Variants in CCDC181 observed in about 807,000 individuals in gnomAD.
CCDC181 encodes coiled-coil domain containing 181.
CCDC181 carries 35 observed loss-of-function variants against 58.7 expected under a neutral mutation model. The ratio of observed to expected loss-of-function variants is 0.60; its 90% CI spans 0.46 to 0.79. The LOEUF (loss-of-function observed/expected upper bound fraction) is 0.79. Ranked by LOEUF, CCDC181 falls within the 30% of genes least tolerant of loss-of-function variation. CCDC181 has a pLI of 0.00. For missense variants in CCDC181, 517 were observed against 583.9 expected, an observed-to-expected ratio of 0.89 and a Z score of 1.18; for synonymous variants, 183 against 197.5, an observed-to-expected ratio of 0.93 and a Z score of 0.62.
chr1:169,407,835 ACTCC>A (rs1655749743), intron 4 of CCDC181, among the ~76,000 whole-genome samples: 1 of 151,574 alleles, frequency 6.6e-6, no homozygotes, highest in African/African-American at 2.4e-5. Flanking sequence ...GGGTCAGGGA[ACTCC>A]CTCCCCTAGC....
At chr1:169,449,768 T>C (rs1456230093) in intron 2 of CCDC181, among the ~76,000 whole-genome samples, 1 of 152,218 alleles carries the variant, frequency 6.6e-6, no homozygotes, top group Non-Finnish European at 1.5e-5. Context: ...GCTTTTATTC[T>C]AGCTGCGATG....
At chr1:169,402,641 G>A (rs1655415142) in intron 4 of CCDC181, among the ~76,000 whole-genome samples, 1 of 152,068 alleles carries the variant, frequency 6.6e-6, no homozygotes, top group South Asian at 2.1e-4. Flanking sequence ...TGCCCTAAAA[G>A]AGCTCCTGAA....
chr1:169,400,249 T>C (rs1276364055), intron 4 of CCDC181, among the ~76,000 whole-genome samples: 2 of 152,194 alleles, frequency 1.3e-5, no homozygotes, highest in Non-Finnish European at 2.9e-5. Flanking sequence ...GTAAGGACCA[T>C]GCTCTAGGAC....
chr1:169,423,256 C>T (rs1420506960), intron 2 of CCDC181, among the ~76,000 whole-genome samples: 1 of 151,750 alleles, frequency 6.6e-6, no homozygotes, highest in East Asian at 1.9e-4. Context: ...ATAAACCTGG[C>T]CCATTTAAAT....
intron 2 of CCDC181, among the ~76,000 whole-genome samples, chr1:169,458,526 T>C (rs962742100): frequency 1.3e-5 from 2 of 152,172 alleles, no homozygotes; most frequent in African/African-American, 4.8e-5. Flanking sequence ...CCCATGGAGT[T>C]GGGGTAGGCA....
intron 5 of CCDC181, chr1:169,395,787 A>C (rs1654985274): frequency 6.6e-6 from 1 of 152,220 alleles, no homozygotes; most frequent in African/African-American, 2.4e-5. Flanking sequence ...AAATAACTGC[A>C]TATACATATA....
intron 3 of CCDC181, among the ~76,000 whole-genome samples, chr1:169,420,917 T>C (rs1402736236): frequency 2.6e-5 from 4 of 152,224 alleles, no homozygotes; most frequent in Non-Finnish European, 5.9e-5. Context: ...ATAAAAGAAT[T>C]GTAAGCATAG....
intron 4 of CCDC181, among the ~76,000 whole-genome samples, chr1:169,404,038 A>G (rs181469283): frequency 6.0e-4 from 91 of 152,374 alleles, no homozygotes; most frequent in Non-Finnish European, 1.2e-3. Context: ...AAACACCTCT[A>G]TGCAAATAAA....
At chr1:169,442,706 G>A (rs1557879457) in intron 2 of CCDC181, 2 of 152,060 alleles carry the variant, frequency 1.3e-5, no homozygotes, top group Non-Finnish European at 2.9e-5. Flanking sequence ...TTAAAAAACT[G>A]ATCATGTGAG....
At chr1:169,434,132 C>A (rs1487381865) in intron 2 of CCDC181, among the ~76,000 whole-genome samples, 1 of 151,896 alleles carries the variant, frequency 6.6e-6, no homozygotes, top group Non-Finnish European at 1.5e-5. Context: ...AAAAAATGGA[C>A]AAACAACTTG....
intron 2 of CCDC181, among the ~76,000 whole-genome samples, chr1:169,435,337 G>A (rs1479570803): frequency 6.6e-6 from 1 of 152,106 alleles, no homozygotes; most frequent in African/African-American, 2.4e-5. Flanking sequence ...GAGTTGTTGA[G>A]AGGAAATGGG....
At chr1:169,410,711 C>A (rs1655917751) in intron 4 of CCDC181, among the ~76,000 whole-genome samples, 1 of 152,168 alleles carries the variant, frequency 6.6e-6, no homozygotes, top group Admixed American at 6.5e-5. Context: ...ACAGTGCAAT[C>A]AAATTAGAAC....
intron 2 of CCDC181, among the ~76,000 whole-genome samples, chr1:169,424,343 C>G (rs1656621373): frequency 2.0e-5 from 3 of 151,838 alleles, no homozygotes; most frequent in Non-Finnish European, 4.4e-5. Flanking sequence ...TCTCTATATT[C>G]ATTGCCAAGA....
chr1:169,395,272 T>C, intron 5 of CCDC181, 66 bp from the exon 6 acceptor site: 1 of 1,377,362 alleles, frequency 7.3e-7, no homozygotes, highest in East Asian at 2.5e-5. Flanking sequence ...TGCTATAAAG[T>C]TACTATTATA....
chr1:169,458,194 G>GTTTT (rs1184666505), intron 2 of CCDC181, among the ~76,000 whole-genome samples: 2 of 81,850 alleles, frequency 2.4e-5, no homozygotes, highest in Non-Finnish European at 3.1e-5. Context: ...TTTTTGTTTT[G>GTTTT]TTTTTTTTGC....
chr1:169,410,067 C>T (rs2102065091), intron 4 of CCDC181, among the ~76,000 whole-genome samples: 1 of 151,888 alleles, frequency 6.6e-6, no homozygotes, highest in African/African-American at 2.4e-5. Flanking sequence ...GGATAAATGC[C>T]CCAATTAAGA....
At chr1:169,415,727 TTC>T (rs1316748974) in intron 4 of CCDC181, among the ~76,000 whole-genome samples, 2 of 152,164 alleles carry the variant, frequency 1.3e-5, no homozygotes, top group African/African-American at 4.8e-5. Context: ...TGACTCAATA[TTC>T]CTCTCCATGC....
intron 2 of CCDC181, among the ~76,000 whole-genome samples, chr1:169,458,582 C>T (rs955579146): frequency 1.3e-5 from 2 of 152,148 alleles, no homozygotes; most frequent in African/African-American, 2.4e-5. Context: ...AGCTTCCCAA[C>T]ATTTCTATTT....
chr1:169,406,174 T>C (rs1437770232), intron 4 of CCDC181, among the ~76,000 whole-genome samples: 5 of 152,096 alleles, frequency 3.3e-5, no homozygotes, highest in Admixed American at 2.6e-4. Flanking sequence ...TGTGGAGAAA[T>C]AGGAACTCTT....
Sources: allele counts gnomAD v4.1 joint callset (sites outside exome capture counted in the v4.1 genomes callset), GRCh38; gene constraint gnomAD v4.1.1; transcripts MANE v1.5; gene names NCBI Gene and HGNC (gene_info 2026-07-23, HGNC 2026-07-21).